The following FAM149A variants were observed in gnomAD, a reference collection of about 807,000 sequenced individuals.
FAM149A encodes protein FAM149A.
In FAM149A, 71 loss-of-function variants were observed where a neutral mutation model predicts 78.2. That is an observed-to-expected ratio of 0.91 (90% confidence interval 0.75 to 1.11). The LOEUF is 1.11. Ranked by LOEUF, FAM149A falls within the 50% of genes least tolerant of loss-of-function variation. FAM149A has a pLI of 0.00. For synonymous variants in FAM149A, 446 were observed against 410.5 expected (o/e 1.09, Z -1.04); for missense variants, 1,036 against 971.0 (o/e 1.07, Z -0.89).
At chr4:186,113,623 C>T (rs1010971353) in intron 1 of FAM149A, among the ~76,000 whole-genome samples, 18 of 146,414 alleles carry the variant, frequency 1.2e-4, no homozygotes, top group African/African-American at 4.6e-4. Context: ...CAAAGAACAT[C>T]TTTATTTCTG....
intron 10 of FAM149A, 49 bp from the exon 11 acceptor site, chr4:186,165,295 C>A (rs749370234): frequency 6.2e-7 from 1 of 1,609,976 alleles, no homozygotes; most frequent in African/African-American, 1.3e-5. Flanking sequence ...CTGTCACTTG[C>A]CAGTTATCCA....
Position 186,105,107 on chromosome 4 carries a change from CTCTT to C in FAM149A, c.32_35del (p.Leu11ArgfsTer192). 1 of 1,281,688 alleles carries C rather than the reference CTCTT, an allele frequency of 7.8e-7. No homozygotes were observed. The highest frequency in any genetic ancestry group is 1.0e-6 in the Non-Finnish European group (1 of 985,468). 79.4% of individuals were successfully genotyped at this position (1,281,688 alleles called of 1,614,324 possible). ...GGCTGCTGTGCTGGACCTTGGGTCT[CTCTT>C]GGCCAAACTCTTCGAGACCTCGACG... On this transcript the variant is annotated frameshift_variant, in exon 1 of 14. Transcript: ENST00000389354. LOFTEE classifies it high-confidence loss of function.
chr4:186,150,585 A>C (rs1733469488), intron 3 of FAM149A, among the ~76,000 whole-genome samples: 2 of 36,874 alleles, frequency 5.4e-5, no homozygotes, highest in Admixed American at 5.7e-4. Context: ...ACGCCCGGCT[A>C]ATTTTTTGTA....
At chr4:186,136,936 A>ATCTCTCTCTC (rs142934788) in intron 1 of FAM149A, among the ~76,000 whole-genome samples, 23 of 88,106 alleles carry the variant, frequency 2.6e-4, no homozygotes, top group African/African-American at 1.0e-3. Context: ...ACACTGATTG[A>ATCTCTCTCTC]TCTCTCTCTC....
chr4:186,155,850 A>C (rs994703384), intron 6 of FAM149A, 150 bp from the exon 7 acceptor site: 11 of 547,778 alleles, frequency 2.0e-5, no homozygotes, highest in Admixed American at 1.7e-4. Context: ...TAATGGAAAA[A>C]AATTATATAT....
intron 1 of FAM149A, among the ~76,000 whole-genome samples, chr4:186,142,532 T>G (rs2099326284): frequency 6.6e-6 from 1 of 152,158 alleles, no homozygotes; most frequent in Admixed American, 6.5e-5. Flanking sequence ...CTGGGACTGC[T>G]TTGATTATGG....
chr4:186,144,842 C>G lies in FAM149A; in HGVS notation c.567-4331C>G. On this transcript the variant is annotated intron_variant, in intron 1 of 13. Transcript: ENST00000389354. The surrounding 1 kb of genome is among the most constrained non-coding windows in gnomAD (Gnocchi z 4.2). ...GGAGGCGGCGCCGGCGCGGGCGGGG[C>G]GGAGGATCTGGAGAGGGAAGGGGCG... The G allele has an allele frequency of 1.0e-6, 1 of 976,974 alleles. No individual in the cohort carries two copies. The highest frequency in any genetic ancestry group is 1.2e-6 in the Non-Finnish European group (1 of 827,570). The allele number at this position is 976,974 out of a possible 1,614,324, so 60.5% of individuals were successfully genotyped here.
At chr4:186,163,231 G>C (rs1486292587) in intron 9 of FAM149A, among the ~76,000 whole-genome samples, 193 bp from the exon 10 acceptor site, 1 of 152,176 alleles carries the variant, frequency 6.6e-6, no homozygotes, top group East Asian at 1.9e-4. Context: ...GAAAACCTTA[G>C]CCCTCTGCCT....
chr4:186,153,380 A>G (rs188403091), intron 4 of FAM149A: 147 of 978,368 alleles, frequency 1.5e-4, no homozygotes, highest in Middle Eastern at 1.0e-3. Flanking sequence ...CAGCCCTGCA[A>G]GGTAACCATT....
At chr4:186,150,519 A>C (rs1209599316) in intron 3 of FAM149A, among the ~76,000 whole-genome samples, 22 of 126,362 alleles carry the variant, frequency 1.7e-4, no homozygotes, top group East Asian at 4.6e-4. Context: ...TCCCGGGTTC[A>C]CGCCATTCTC....
chr4:186,149,029 T>TGCGC, intron 1 of FAM149A, 144 bp from the exon 2 acceptor site: 4 of 316,842 alleles, frequency 1.3e-5, no homozygotes, highest in South Asian at 2.7e-5. Context: ...TGTGTGTGTG[T>TGCGC]GTGCGCTCAT....
In FAM149A at chr4:186,163,506, A is replaced by G. The variant is rs199566683; in HGVS notation, c.1762A>G (p.Thr588Ala). The change falls in exon 10 of 14, where the codon ACT becomes GCT. Residue 588 changes from threonine (T) to alanine (A), a missense_variant. Transcript: ENST00000389354. ...GCACAGACTGGGACGGGCCTCAGAC[A>G]CTCATGGATTATCACCTTCTGCAAA... 2.6e-5 allele frequency: 42 copies of G among 1,613,900 alleles called. 1 individual carries two copies. The highest frequency in any genetic ancestry group is 3.5e-5 in the Non-Finnish European group (41 of 1,179,990).
intron 8 of FAM149A, chr4:186,158,641 G>A (rs946264594): frequency 3.3e-5 from 36 of 1,086,800 alleles, no homozygotes; most frequent in Non-Finnish European, 3.7e-5. Flanking sequence ...ACACACTGCC[G>A]CCCAGGTTGA....
At chr4:186,129,852 A>T (rs80078004) in intron 1 of FAM149A, among the ~76,000 whole-genome samples, 6 of 152,322 alleles carry the variant, frequency 3.9e-5, no homozygotes, top group African/African-American at 1.4e-4. Context: ...TTCCAACTAA[A>T]AGGAAGCTGA....
chr4:186,144,300 G>T lies in FAM149A; in HGVS notation c.567-4873G>T, dbSNP rs529226280. On this transcript the variant is annotated intron_variant, in intron 1 of 13. Coordinates refer to ENST00000389354, the MANE Select transcript of FAM149A (RefSeq NM_001367768.3). This position sits in a 1 kb window ranked among gnomAD's most constrained non-coding sequence, Gnocchi z 4.2. ...AACGCAAGCGGCAGGCATGCTCGGG[G>T]TGTGCAGGAGATGCACCGGCTTGTG... 2.6e-5 allele frequency: 4 copies of T among 152,266 alleles called. No individual in the cohort carries two copies. The highest frequency in any genetic ancestry group is 5.9e-5 in the Non-Finnish European group (4 of 68,114). The allele number at this position is 152,266 out of a possible 1,614,324, so 9.4% of individuals were successfully genotyped here.
chr4:186,172,255 G>A lies in FAM149A; in HGVS notation c.*268G>A, dbSNP rs572362168. ...AGCCCCTGATGTGTGTTTGCAGTCC[G>A]TCATTTTATCAATGATACGCAAACA... On this transcript the variant is annotated 3_prime_UTR_variant, in exon 14 of 14. Coordinates refer to ENST00000389354, the MANE Select transcript of FAM149A (RefSeq NM_001367768.3). The A allele has an allele frequency of 2.7e-5, 10 of 363,676 alleles. No individual in the cohort carries two copies. The highest frequency in any genetic ancestry group is 9.4e-5 in the Admixed American group (2 of 21,218). 22.5% of individuals were successfully genotyped at this position (363,676 alleles called of 1,614,324 possible).
chr4:186,158,809 G>GC lies in FAM149A; in HGVS notation c.1575+1094dup, dbSNP rs550458128. The GC allele has an allele frequency of 6.9e-6, 7 of 1,009,834 alleles. No homozygotes were observed. In the South Asian group the frequency reaches 2.8e-4, roughly 41 times the overall value. The allele number at this position is 1,009,834 out of a possible 1,614,324, so 62.6% of individuals were successfully genotyped here. On this transcript the variant is annotated intron_variant, in intron 8 of 13. Transcript: ENST00000389354. ...CTGTTCTGCAGCTCCCAATGCTCAG[G>GC]CCCCTGAATGAGGAGGATCAACCAC...
intron 1 of FAM149A, among the ~76,000 whole-genome samples, chr4:186,119,517 G>T (rs902929510): frequency 6.6e-6 from 1 of 152,168 alleles, no homozygotes; most frequent in East Asian, 1.9e-4. Flanking sequence ...TAATAAAGAG[G>T]TTATTAAGGC....
chr4:186,160,208 C>T (rs1457766422), intron 8 of FAM149A, among the ~76,000 whole-genome samples: 1 of 135,790 alleles, frequency 7.4e-6, no homozygotes, highest in African/African-American at 3.0e-5. Flanking sequence ...ACTACACACA[C>T]ACCACTCACC....
Sources: gnomAD v4.1 joint callset for allele counts (sites outside exome capture counted in the v4.1 genomes callset) on GRCh38, gnomAD v4.1.1 for gene constraint, Gnocchi (gnomAD v3.1) non-coding constraint, MANE v1.5 for transcripts, NCBI Gene and HGNC (gene_info 2026-07-23, HGNC 2026-07-21) for gene names.